PCDHA12: variants seen among roughly 807,000 people sequenced by gnomAD.
PCDHA12 encodes the protein protocadherin alpha-12.
In PCDHA12, 44 loss-of-function variants were observed where a neutral mutation model predicts 60.0. That is an observed-to-expected ratio of 0.73 (90% CI 0.58 to 0.94). The LOEUF (loss-of-function observed/expected upper bound fraction) is 0.94, where lower values mean the gene tolerates loss of function less well. Ranked by LOEUF, PCDHA12 falls within the 40% of genes least tolerant of loss-of-function variation. The pLI, the probability that PCDHA12 is intolerant of heterozygous loss-of-function variation, is 0.00. For missense variants in PCDHA12, 1,276 were observed against 1,239.7 expected (o/e 1.03, Z -0.44); for synonymous variants, 569 against 553.0 (o/e 1.03, Z -0.40).
Position 140,880,781 on chromosome 5 carries a change from G to C in PCDHA12, c.2367+2942G>C, listed in dbSNP as rs575201091. Reference sequence around the variant, plus strand: ...GTGTTGGAGGCTAAAAAGAATGTTAGAGGAGTAATATAAATAGGTGAATGA... The same window carrying C: ...GTGTTGGAGGCTAAAAAGAATGTTACAGGAGTAATATAAATAGGTGAATGA... On this transcript the variant is annotated intron_variant, in intron 1 of 3. Transcript: ENST00000398631. Among the ~76,000 whole-genome samples the C allele has an allele frequency of 5.9e-5, 9 of 152,346 alleles. No homozygotes were observed. In the East Asian group the frequency reaches 1.3e-3, roughly 23 times the overall value.
intron 1 of PCDHA12, among the ~76,000 whole-genome samples, chr5:140,953,076 T>C (rs1276914822): frequency 6.6e-6 from 1 of 152,106 alleles, no homozygotes; most frequent in East Asian, 1.9e-4. Flanking sequence ...ATCTCCAACA[T>C]TGGGGATTAC....
chr5:140,900,416 T>G (rs1303205296), intron 1 of PCDHA12, among the ~76,000 whole-genome samples: 8 of 152,220 alleles, frequency 5.3e-5, no homozygotes, highest in Admixed American at 5.2e-4. Flanking sequence ...TAGCTGGGAT[T>G]ATAGGCACGT....
At chr5:140,937,718 C>T (rs538350541) in intron 1 of PCDHA12, among the ~76,000 whole-genome samples, 1 of 152,076 alleles carries the variant, frequency 6.6e-6, no homozygotes, top group South Asian at 2.1e-4. Context: ...CAAGACCATC[C>T]TGGCTAACAC....
Position 140,927,792 on chromosome 5 carries a change from T to C in PCDHA12, c.2367+49953T>C, listed in dbSNP as rs12522306. On this transcript the variant is annotated intron_variant, in intron 1 of 3. Coordinates refer to ENST00000398631, the MANE Select transcript of PCDHA12 (RefSeq NM_018903.4). The stretch of plus-strand genomic sequence containing the variant: ...AGGTGCAAGTAGCTGCTTCACTAGG[T>C]CCGCCTGAAACGCTCTTGGAGGCAT... 8,419 of 1,614,148 alleles carry C rather than the reference T, an allele frequency of 5.2e-3. 630 individuals carry two copies. The Admixed American group carries it at 0.13, about 25-fold the overall frequency.
At chr5:140,881,235 T>C (rs2058632833) in intron 1 of PCDHA12, 1 of 352,648 alleles carries the variant, frequency 2.8e-6, no homozygotes, top group South Asian at 1.1e-4. Context: ...TTAAAGTCAA[T>C]TTAAATGACG....
rs1554231789 is a variant in PCDHA12 at position 140,969,430 on chromosome 5, A to G, written c.2368-9519A>G. ...CTTTATTGAGTCATTAACAGTGACAAGAGTTATCTGGTAAACTGAGTATAT... is the reference window on the plus strand; with the variant it reads ...CTTTATTGAGTCATTAACAGTGACAGGAGTTATCTGGTAAACTGAGTATAT... On this transcript the variant is annotated intron_variant, in intron 1 of 3. Transcript: ENST00000398631. The G allele has an allele frequency of 1.2e-5, 19 of 1,554,588 alleles. 1 individual carries two copies. The Admixed American group carries it at 3.5e-4, about 29-fold the overall frequency.
intron 3 of PCDHA12, among the ~76,000 whole-genome samples, chr5:140,996,183 T>C (rs1360004898): frequency 6.6e-6 from 1 of 152,232 alleles, no homozygotes; most frequent in African/African-American, 2.4e-5. Context: ...AGCACCTCCA[T>C]TTTATACCCT....
At chr5:140,906,124 G>A (rs1399975318) in intron 1 of PCDHA12, among the ~76,000 whole-genome samples, 2 of 151,992 alleles carry the variant, frequency 1.3e-5, no homozygotes, top group Non-Finnish European at 2.9e-5. Flanking sequence ...TGACACAAAT[G>A]TTAGTCTCCT....
chr5:140,941,202 C>CTTTCTTTCTTT (rs1554213921), intron 1 of PCDHA12, among the ~76,000 whole-genome samples: 2,980 of 122,772 alleles, frequency 0.024, 108 homozygotes, highest in East Asian at 0.062. Context: ...TTTCTTTCTT[C>CTTTCTTTCTTT]CTTTCTTTCT....
At chr5:140,944,907 T>A (rs246063) in intron 1 of PCDHA12, among the ~76,000 whole-genome samples, 85,748 of 151,952 alleles carry the variant, frequency 0.56, 24,800 homozygotes, top group African/African-American at 0.69. Flanking sequence ...TTCCACAAAC[T>A]TCTCTTTATA....
chr5:140,966,603 G>T, intron 1 of PCDHA12: 1 of 656,454 alleles, frequency 1.5e-6, no homozygotes, highest in East Asian at 3.4e-5. Context: ...AGGAGCCCTT[G>T]GGAGGGCCTA....
chr5:140,903,962 G>C (rs548680386), intron 1 of PCDHA12, among the ~76,000 whole-genome samples: 21 of 152,226 alleles, frequency 1.4e-4, no homozygotes. Flanking sequence ...ATTATTTGTT[G>C]ATTTTTGGTC....
At chr5:140,969,304 C>CA in intron 1 of PCDHA12, 3 of 1,614,160 alleles carry the variant, frequency 1.9e-6, no homozygotes, top group Non-Finnish European at 2.5e-6. Flanking sequence ...TGATTATTCT[C>CA]AAAAATGAGG....
intron 1 of PCDHA12, among the ~76,000 whole-genome samples, chr5:140,911,590 C>A (rs778543832): frequency 3.3e-5 from 5 of 152,156 alleles, no homozygotes; most frequent in Non-Finnish European, 4.4e-5. Context: ...TAGGAGGAAC[C>A]AACCAACTTC....
chr5:140,920,908 T>G (rs1333150217), intron 1 of PCDHA12, among the ~76,000 whole-genome samples: 1 of 151,136 alleles, frequency 6.6e-6, no homozygotes, highest in Non-Finnish European at 1.5e-5. Context: ...GGTTCTCAAA[T>G]CAGTTCCAAG....
At chr5:140,925,408 G>C (rs2082482597) in intron 1 of PCDHA12, among the ~76,000 whole-genome samples, 1 of 152,058 alleles carries the variant, frequency 6.6e-6, no homozygotes, top group Non-Finnish European at 1.5e-5. Flanking sequence ...TCCTTCTTAG[G>C]GAAAGGAACT....
intron 1 of PCDHA12, among the ~76,000 whole-genome samples, chr5:140,962,851 C>T (rs2095713637): frequency 1.3e-5 from 2 of 152,114 alleles, no homozygotes; most frequent in South Asian, 4.1e-4. Flanking sequence ...ATAACTTGTG[C>T]TCGGTTTGTA....
At chr5:140,984,965 T>G (rs2097128606) in intron 3 of PCDHA12, among the ~76,000 whole-genome samples, 1 of 151,666 alleles carries the variant, frequency 6.6e-6, no homozygotes, top group Non-Finnish European at 1.5e-5. Context: ...TGAGACAGAG[T>G]CTCGCTCTGT....
chr5:141,000,393 C>A (rs60881126), intron 3 of PCDHA12, among the ~76,000 whole-genome samples: 1,562 of 52,558 alleles, frequency 0.03, 14 homozygotes, highest in East Asian at 0.037. Context: ...CTCTCTCTCT[C>A]TCTATATATA....
Sources: allele counts gnomAD v4.1 joint callset (sites outside exome capture counted in the v4.1 genomes callset), GRCh38; gene constraint gnomAD v4.1.1; transcripts MANE v1.5; gene names NCBI Gene and HGNC (gene_info 2026-07-23, HGNC 2026-07-21).